DAB1: variants seen among roughly 807,000 people sequenced by gnomAD.
The protein encoded by DAB1 is DAB adaptor protein 1.
A neutral mutation model predicts 64.6 loss-of-function variants in DAB1; 15 were observed. The observed-to-expected ratio is 0.23, with a 90% CI of 0.16 to 0.36. The LOEUF (loss-of-function observed/expected upper bound fraction) is 0.36, where lower values mean the gene tolerates loss of function less well. Among genes scored for constraint, DAB1 ranks in the 10% least tolerant of loss-of-function variants. The pLI is 1.00. For synonymous variants in DAB1, 235 were observed against 251.9 expected, an observed-to-expected ratio of 0.93 and a Z score of 0.64; for missense variants, 596 against 706.7, an observed-to-expected ratio of 0.84 and a Z score of 1.78.
At chr1:57,961,981 A>G (rs1271968508) in intron 5 of DAB1, among the ~76,000 whole-genome samples, 1 of 151,994 alleles carries the variant, frequency 6.6e-6, no homozygotes, top group Non-Finnish European at 1.5e-5. Flanking sequence ...TCAAAAAAAA[A>G]AAAAGCTGAG....
chr1:57,826,781 TG>T (rs1652369051), intron 1 of DAB1, among the ~76,000 whole-genome samples: 1 of 152,194 alleles, frequency 6.6e-6, no homozygotes, highest in African/African-American at 2.4e-5. Context: ...TTTGTCCTCC[TG>T]GAATAGGAAG....
chr1:58,310,108 C>A (rs1343565797), intron 4 of DAB1, among the ~76,000 whole-genome samples: 1 of 152,184 alleles, frequency 6.6e-6, no homozygotes, highest in African/African-American at 2.4e-5. Context: ...CATGCTCACA[C>A]ATACACACAC....
intron 3 of DAB1, among the ~76,000 whole-genome samples, chr1:58,498,972 T>C (rs895727193): frequency 1.3e-5 from 2 of 152,102 alleles, no homozygotes; most frequent in African/African-American, 4.8e-5. Flanking sequence ...AGGACAATTA[T>C]CCTCTGGAAT....
At chr1:58,099,472 C>T (rs1378399497) in intron 5 of DAB1, among the ~76,000 whole-genome samples, 5 of 152,206 alleles carry the variant, frequency 3.3e-5, no homozygotes, top group Non-Finnish European at 7.4e-5. Context: ...TACTTTAACA[C>T]TGCCTGAATC....
chr1:57,463,090 C>T (rs1025330441), intron 7 of DAB1, among the ~76,000 whole-genome samples: 16 of 152,116 alleles, frequency 1.1e-4, no homozygotes, highest in African/African-American at 3.9e-4. Flanking sequence ...TCATATTTTA[C>T]CTTTAAAAAG....
In DAB1 at chr1:58,118,503, T is replaced by TACACACACAC. The variant is rs34017384; in HGVS notation, n.387+31998_387+32007dup. On this transcript the variant is annotated intron_variant and non_coding_transcript_variant, in intron 5 of 20. Transcript: ENST00000485760. ...ATATATATATATATATATATATATATACACACACACACACACACATATATA... is the reference window on the plus strand; with the variant it reads ...ATATATATATATATATATATATATATACACACACACACACACACACACACACACATATATA... Among the ~76,000 whole-genome samples, 134 of 53,092 alleles carry TACACACACAC rather than the reference T, an allele frequency of 2.5e-3. 8 individuals are homozygous for TACACACACAC. The highest frequency in any genetic ancestry group is 0.013 in the African/African-American group (121 of 9,622). 34.8% of individuals were successfully genotyped at this position (53,092 alleles called of 152,430 possible).
intron 2 of DAB1, among the ~76,000 whole-genome samples, chr1:57,222,395 A>G (rs1003746852): frequency 1.3e-5 from 2 of 152,178 alleles, no homozygotes; most frequent in Non-Finnish European, 2.9e-5. Flanking sequence ...CATGGGAGCA[A>G]TAATAAGTCA....
Position 58,282,723 on chromosome 1 carries a change from A to G in DAB1, n.309+60629T>C, listed in dbSNP as rs181151533. Among the ~76,000 whole-genome samples the G allele has an allele frequency of 5.9e-5, 9 of 152,296 alleles. No individual in the cohort carries two copies. The East Asian group carries it at 1.4e-3, about 23-fold the overall frequency. On this transcript the variant is annotated intron_variant and non_coding_transcript_variant, in intron 4 of 20. Coordinates refer to the DAB1 transcript ENST00000485760. Reference sequence around the variant, plus strand: ...AGTTGCCACTCTGCCCACTGGAAAGATATTTCCCAAAATAAAAGACATGCC... The same window carrying G: ...AGTTGCCACTCTGCCCACTGGAAAGGTATTTCCCAAAATAAAAGACATGCC...
At chr1:58,052,710 C>G (rs554642369) in intron 5 of DAB1, among the ~76,000 whole-genome samples, 13 of 152,200 alleles carry the variant, frequency 8.5e-5, no homozygotes, top group Non-Finnish European at 1.6e-4. Flanking sequence ...TTCCTGTCCT[C>G]TTTTATTTCA....
chr1:57,107,794 GCAGGAGCAGCC>G (rs1417534870), intron 4 of DAB1, among the ~76,000 whole-genome samples: 4 of 152,168 alleles, frequency 2.6e-5, no homozygotes, highest in African/African-American at 9.7e-5. Flanking sequence ...CCAGAAAGAA[GCAGGAGCAGCC>G]CAGGTTTGGG....
intron 5 of DAB1, among the ~76,000 whole-genome samples, chr1:57,975,093 G>A (rs978082703): frequency 1.3e-5 from 2 of 152,096 alleles, no homozygotes; most frequent in African/African-American, 4.8e-5. Context: ...ATTAAGTTGT[G>A]AAGTTGGAGC....
intron 9 of DAB1, among the ~76,000 whole-genome samples, chr1:57,029,422 G>A (rs1256605964): frequency 2.0e-5 from 3 of 152,196 alleles, no homozygotes; most frequent in Non-Finnish European, 4.4e-5. Context: ...TGTGGTCAGA[G>A]CCTCCATACA....
intron 1 of DAB1, among the ~76,000 whole-genome samples, chr1:57,350,190 A>C (rs1267265766): frequency 6.6e-6 from 1 of 152,190 alleles, no homozygotes; most frequent in Non-Finnish European, 1.5e-5. Flanking sequence ...TTTCATCTTC[A>C]AGTGATTTAT....
chr1:57,715,793 A>T (rs1433065482), intron 6 of DAB1, among the ~76,000 whole-genome samples: 2 of 152,250 alleles, frequency 1.3e-5, no homozygotes, highest in Non-Finnish European at 2.9e-5. Flanking sequence ...GTAGACACAA[A>T]TAAATCGAAA....
rs368659120 is a variant in DAB1, at chr1:57,439,623, T to TG, written n.626-148458_626-148457insC. On this transcript the variant is annotated intron_variant and non_coding_transcript_variant, in intron 7 of 20. Transcript: ENST00000485760. ...TTTTGTATTTTTAGTAGAGACGGGG[T>TG]TCACCATGTTAGCCAGGATGGTCTT... Among the ~76,000 whole-genome samples, 15 of 69,706 alleles carry TG rather than the reference T, an allele frequency of 2.2e-4. 1 individual carries two copies. Among genetic ancestry groups the TG allele is most frequent in the African/African-American group, 1.2e-3 (15 of 12,060 alleles). The allele number at this position is 69,706 out of a possible 152,430, so 45.7% of individuals were successfully genotyped here.
chr1:58,285,433 T>C (rs1332238995), intron 4 of DAB1, among the ~76,000 whole-genome samples: 1 of 152,170 alleles, frequency 6.6e-6, no homozygotes, highest in Non-Finnish European at 1.5e-5. Context: ...AAAAAACCCA[T>C]TGTCTCAGCC....
intron 2 of DAB1, among the ~76,000 whole-genome samples, chr1:57,176,362 T>C (rs540815235): frequency 1.3e-5 from 2 of 152,228 alleles, no homozygotes; most frequent in Non-Finnish European, 1.5e-5. Flanking sequence ...GCCAACAAGA[T>C]GGCTTGTGCA....
intron 7 of DAB1, among the ~76,000 whole-genome samples, chr1:57,452,166 C>CCTTTTT (rs367685387): frequency 2.8e-4 from 21 of 75,014 alleles, no homozygotes; most frequent in Admixed American, 3.9e-4. Context: ...TGCACCCCCC[C>CCTTTTT]TTTTTTTTTT....
chr1:58,436,608 C>G (rs111937462), intron 3 of DAB1, among the ~76,000 whole-genome samples: 57 of 152,324 alleles, frequency 3.7e-4, no homozygotes, highest in African/African-American at 1.4e-3. Flanking sequence ...ATTACAAAAA[C>G]AAGTCGTTAA....
Sources: allele counts gnomAD v4.1 joint callset (sites outside exome capture counted in the v4.1 genomes callset), GRCh38; gene constraint gnomAD v4.1.1; transcripts MANE v1.5; gene names NCBI Gene and HGNC (gene_info 2026-07-23, HGNC 2026-07-21).